SLC24A4: variants seen among roughly 807,000 people sequenced by gnomAD.
SLC24A4 encodes solute carrier family 24 member 4, also known as sodium/potassium/calcium exchanger 4.
SLC24A4 carries 53 observed loss-of-function variants against 79.0 expected under a neutral mutation model. That is an observed-to-expected ratio of 0.67 (90% CI 0.54 to 0.84). SLC24A4 has a LOEUF of 0.84. SLC24A4 is among the 40% of genes least tolerant of loss of function. The pLI, the probability that SLC24A4 is intolerant of heterozygous loss-of-function variation, is 0.00. For missense variants in SLC24A4, 731 were observed against 822.0 expected, an observed-to-expected ratio of 0.89 and a Z score of 1.35; for synonymous variants, 323 against 323.8, an observed-to-expected ratio of 1.00 and a Z score of 0.03.
intron 2 of SLC24A4, among the ~76,000 whole-genome samples, chr14:92,362,131 T>C (rs1456444625): frequency 6.6e-5 from 10 of 152,156 alleles, no homozygotes; most frequent in Admixed American, 5.2e-4. Context: ...CTTTCGTGCT[T>C]GGCTGCACTA....
chr14:92,382,531 C>T (rs1201182704), intron 2 of SLC24A4, among the ~76,000 whole-genome samples: 1 of 152,160 alleles, frequency 6.6e-6, no homozygotes, highest in Non-Finnish European at 1.5e-5. Flanking sequence ...AACAAAGGTA[C>T]CAGGTTAGGC....
In SLC24A4 at chr14:92,399,661, A is replaced by G. The variant is rs75957283; in HGVS notation, c.242-34251A>G. 4.2e-3 allele frequency among the ~76,000 whole-genome samples: 643 copies of G among 152,302 alleles called. 4 individuals are homozygous for G. Among genetic ancestry groups the G allele is most frequent in the African/African-American group, 0.015 (608 of 41,562 alleles). ...TGGTGATTTACTGGGGCTGAACTTC[A>G]GCTGGTTTTGCGCTATGAAGGGGCT... On this transcript the variant is annotated intron_variant, in intron 2 of 16. Transcript: ENST00000532405.
rs182739721 is a variant in SLC24A4, at chr14:92,371,169, T to C, written c.241+45191T>C. Among the ~76,000 whole-genome samples the C allele has an allele frequency of 1.9e-3, 286 of 152,260 alleles. 1 individual carries two copies. Among genetic ancestry groups the C allele is most frequent in the African/African-American group, 6.3e-3 (263 of 41,548 alleles). ...TCTGAAAAAGAACAGCCTAAAAAAA[T>C]TGGACTGTAAACATAAACGGCTCCG... On this transcript the variant is annotated intron_variant, in intron 2 of 16. Coordinates refer to ENST00000532405, the MANE Select transcript of SLC24A4 (RefSeq NM_153646.4).
intron 14 of SLC24A4, among the ~76,000 whole-genome samples, chr14:92,491,185 T>A (rs921874184): frequency 6.6e-6 from 1 of 152,210 alleles, no homozygotes; most frequent in African/African-American, 2.4e-5. Flanking sequence ...TTTATCCCGC[T>A]ATTTATTTTT....
chr14:92,400,437 C>CAAA (rs35343108), intron 2 of SLC24A4, among the ~76,000 whole-genome samples: 154 of 79,378 alleles, frequency 1.9e-3, no homozygotes, highest in African/African-American at 5.8e-3. Flanking sequence ...GACTCCATCT[C>CAAA]AAAAAAAAAA....
intron 2 of SLC24A4, among the ~76,000 whole-genome samples, chr14:92,337,139 G>T (rs778327227): frequency 3.3e-5 from 5 of 152,058 alleles, no homozygotes; most frequent in Non-Finnish European, 5.9e-5. Context: ...ATGCCTGGGA[G>T]ATGCCAGCTA....
rs898161048 is a variant in SLC24A4 at position 92,496,983 on chromosome 14, T to G, written c.*3355T>G. ...ACCCAGCTAATTTTTGTATTTTTAG[T>G]AGAGACGGGTTTTCACCATGTTGGC... On this transcript the variant is annotated 3_prime_UTR_variant, in exon 17 of 17. Coordinates refer to ENST00000532405, the MANE Select transcript of SLC24A4 (RefSeq NM_153646.4). 2 of 152,200 alleles carry G rather than the reference T, an allele frequency of 1.3e-5. No individual in the cohort carries two copies. The highest frequency in any genetic ancestry group is 4.8e-5 in the African/African-American group (2 of 41,432). 9.4% of individuals were successfully genotyped at this position (152,200 alleles called of 1,614,324 possible). A position where few individuals can be genotyped will look rare whatever the true frequency, so the allele number is the denominator to read the frequency against.
chr14:92,364,702 T>G (rs562794874), intron 2 of SLC24A4, among the ~76,000 whole-genome samples: 4 of 152,248 alleles, frequency 2.6e-5, no homozygotes, highest in Admixed American at 2.0e-4. Flanking sequence ...TGGCCCCTCT[T>G]CTTCCTTCAG....
In SLC24A4 at chr14:92,323,937, C is replaced by T. The variant is rs1378441812; in HGVS notation, c.107C>T (p.Ala36Val). The T allele has an allele frequency of 1.9e-6, 3 of 1,611,176 alleles. No individual in the cohort carries two copies. The highest frequency in any genetic ancestry group is 2.2e-5 in the South Asian group (2 of 90,912). Residue 36 changes from alanine to valine, a missense_variant, in exon 1 of 17, where the codon GCG becomes GTG. Physicochemically the swap from Ala to Val is moderately conservative, Grantham distance 64. Transcript: ENST00000532405. This position sits in a 1 kb window ranked among gnomAD's most constrained non-coding sequence, Gnocchi z 4.9. ...GCGGTGCTGGCCCTGGTGTGCTGTG[C>T]GTCCGGCCTCTTCGGCAGCTTGGGT... is the stretch of plus-strand genomic sequence containing the variant. ...VCAVLALVCC[A>V]SGLFGSLGHK... is the part of the protein sequence containing the mutation.
intron 12 of SLC24A4, among the ~76,000 whole-genome samples, chr14:92,467,724 T>G (rs1248706282): frequency 6.6e-6 from 1 of 152,170 alleles, no homozygotes; most frequent in Non-Finnish European, 1.5e-5. Flanking sequence ...CCTAGGACCA[T>G]GTATCAGGGT....
chr14:92,439,291 C>T, intron 3 of SLC24A4, 44 bp from the exon 4 acceptor site: 1 of 1,547,638 alleles, frequency 6.5e-7, no homozygotes, highest in East Asian at 2.2e-5. Context: ...GCAGCTGCAG[C>T]AGGGACCCTC....
chr14:92,418,305 C>T (rs77082589), intron 2 of SLC24A4, among the ~76,000 whole-genome samples: 2,360 of 152,252 alleles, frequency 0.016, 75 homozygotes, highest in African/African-American at 0.052. Context: ...CCTCCTTGAA[C>T]TCTACGTGCT....
chr14:92,411,687 C>G (rs553373482), intron 2 of SLC24A4, among the ~76,000 whole-genome samples: 3 of 152,312 alleles, frequency 2.0e-5, no homozygotes, highest in African/African-American at 7.2e-5. Context: ...TTTCCTGTAG[C>G]TCAGTGTGTG....
intron 2 of SLC24A4, among the ~76,000 whole-genome samples, chr14:92,403,980 G>A (rs1890247282): frequency 6.6e-6 from 1 of 152,172 alleles, no homozygotes; most frequent in South Asian, 2.1e-4. Flanking sequence ...TTGATTGACA[G>A]CTCTTTTTCT....
intron 2 of SLC24A4, among the ~76,000 whole-genome samples, chr14:92,407,506 T>C (rs8020778): frequency 0.71 from 107,174 of 151,920 alleles, 38,133 homozygotes; most frequent in East Asian, 0.97. Flanking sequence ...GGGTAATTTA[T>C]GAAGAAAAGA....
chr14:92,482,822 G>A lies in SLC24A4; in HGVS notation c.1398G>A (p.Val466=). 5.0e-6 allele frequency: 8 copies of A among 1,613,274 alleles called. No individual in the cohort carries two copies. The highest frequency in any genetic ancestry group is 6.8e-6 in the Non-Finnish European group (8 of 1,179,448). Residue 466 remains valine (V), a synonymous_variant, in exon 13 of 17, where the codon GTG becomes GTA. Transcript: ENST00000532405. Reference sequence around the variant, plus strand: ...TCACCGCCACGCTGTGGATCGCTGTGTTCTCCTACATCATGGTGTGGCTGG... The same window carrying A: ...TCACCGCCACGCTGTGGATCGCTGTATTCTCCTACATCATGGTGTGGCTGG... The part of the protein sequence containing the change: ...TFITATLWIA[V]FSYIMVWLVT...
intron 10 of SLC24A4, among the ~76,000 whole-genome samples, chr14:92,449,763 A>G (rs1486913852): frequency 6.6e-6 from 1 of 152,252 alleles, no homozygotes; most frequent in Non-Finnish European, 1.5e-5. Flanking sequence ...TCCCCAGGCC[A>G]GCCTCAGACA....
At chr14:92,472,047 C>T (rs11160070) in intron 12 of SLC24A4, among the ~76,000 whole-genome samples, 78,714 of 151,972 alleles carry the variant, frequency 0.52, 21,007 homozygotes, top group East Asian at 0.64. Context: ...CTTCAGTTCT[C>T]ATAGATAGCA....
intron 2 of SLC24A4, among the ~76,000 whole-genome samples, chr14:92,362,710 T>C (rs8020311): frequency 0.9 from 136,577 of 152,332 alleles, 63,095 homozygotes; most frequent in East Asian, 1. Context: ...ACCAGTGTGC[T>C]GCGTCCCAAG....
Sources: gnomAD v4.1 joint callset for allele counts (sites outside exome capture counted in the v4.1 genomes callset) on GRCh38, gnomAD v4.1.1 for gene constraint, Gnocchi (gnomAD v3.1) non-coding constraint, MANE v1.5 for transcripts, NCBI Gene and HGNC (gene_info 2026-07-23, HGNC 2026-07-21) for gene names.